Variants in ARHGAP22 observed in about 807,000 individuals in gnomAD.
The protein encoded by ARHGAP22 is Rho GTPase activating protein 22.
In ARHGAP22, 48 loss-of-function variants were observed where a neutral mutation model predicts 59.1. That is an observed-to-expected ratio of 0.81 (90% CI 0.64 to 1.03). The LOEUF (loss-of-function observed/expected upper bound fraction) is 1.03. Ranked by LOEUF, ARHGAP22 falls within the 50% of genes least tolerant of loss-of-function variation. The pLI, the probability that ARHGAP22 is intolerant of heterozygous loss-of-function variation, is 0.00. For synonymous variants in ARHGAP22, 445 were observed against 416.4 expected, an observed-to-expected ratio of 1.07 and a Z score of -0.84; for missense variants, 1,015 against 958.7, an observed-to-expected ratio of 1.06 and a Z score of -0.78.
In ARHGAP22 at chr10:48,555,489, C is replaced by T. The variant is rs2057239212; in HGVS notation, c.296G>A (p.Gly99Glu). The T allele has an allele frequency of 1.2e-6, 2 of 1,614,050 alleles. No individual in the cohort carries two copies. The highest frequency in any genetic ancestry group is 1.7e-6 in the Non-Finnish European group (2 of 1,180,024). ...TGGGCTGATCTCAAAGAGGTGCTTCCCTGGGTCCTCGGGGCCAGGAGGAAG... is the reference window on the plus strand; with the variant it reads ...TGGGCTGATCTCAAAGAGGTGCTTCTCTGGGTCCTCGGGGCCAGGAGGAAG... The part of the protein sequence containing the change: ...TELPPGPEDP[G>E]KHLFEISPGG... The change falls in exon 3 of 10, where the codon GGG (glycine) becomes GAG (glutamate). Residue 99 changes from glycine to glutamate, a missense_variant. Gly to Glu is a moderately conservative substitution (Grantham distance 98). Transcript: ENST00000249601.
At chr10:48,444,362 T>TGACA (rs1440082226), downstream of ARHGAP22, 3 of 152,214 alleles carry the variant, frequency 2.0e-5, no homozygotes, top group Non-Finnish European at 4.4e-5. Flanking sequence ...TCAGTGTGCC[T>TGACA]GACAGTCAAG....
intron 1 of ARHGAP22, among the ~76,000 whole-genome samples, chr10:48,599,659 G>C (rs572990963): frequency 1.1e-4 from 17 of 152,314 alleles, no homozygotes; most frequent in African/African-American, 3.8e-4. Context: ...CCAACACCTG[G>C]CACCACTGGT....
intron 4 of ARHGAP22, among the ~76,000 whole-genome samples, chr10:48,475,855 T>C (rs967271557): frequency 1.3e-5 from 2 of 152,194 alleles, no homozygotes; most frequent in African/African-American, 2.4e-5. Flanking sequence ...AGCTCTACCA[T>C]GATGACAAGG....
At chr10:48,516,024 A>G (rs997860997) in intron 3 of ARHGAP22, among the ~76,000 whole-genome samples, 2 of 150,000 alleles carry the variant, frequency 1.3e-5, no homozygotes, top group Non-Finnish European at 3.0e-5. Flanking sequence ...AAAAAAAAAC[A>G]AAACAAAAAA....
intron 4 of ARHGAP22, among the ~76,000 whole-genome samples, chr10:48,467,180 T>C (rs770126874): frequency 2.0e-5 from 3 of 152,226 alleles, no homozygotes; most frequent in South Asian, 2.1e-4. Flanking sequence ...TGAGGGGTAT[T>C]AGCTTCCCTA....
At chr10:48,552,145 T>G (rs1324358880) in intron 3 of ARHGAP22, among the ~76,000 whole-genome samples, 2 of 152,268 alleles carry the variant, frequency 1.3e-5, no homozygotes, top group African/African-American at 4.8e-5. Context: ...ATTTACGTAG[T>G]TAATTCTAGG....
At chr10:48,654,770 ATTACTTTCTTTCTTTCTTTC>A (rs1486168551), upstream of ARHGAP22, among the ~76,000 whole-genome samples, 1 of 138,306 alleles carries the variant, frequency 7.2e-6, no homozygotes, top group Non-Finnish European at 1.6e-5. Flanking sequence ...GGACATGCTG[ATTACTTTCTTTCTTTCTTTC>A]TTTCTTTCTT....
chr10:48,616,748 T>C lies in ARHGAP22; in HGVS notation c.53-33596A>G, dbSNP rs2061096111. ...ATCTGGCAAAACTATCCTTTAAATG[T>C]AAAACAGCAATCAAGTCATTTCTAG... On this transcript the variant is annotated intron_variant, in intron 1 of 9. Transcript: ENST00000435790. 3.3e-5 allele frequency among the ~76,000 whole-genome samples: 5 copies of C among 152,082 alleles called. No individual in the cohort carries two copies. In the South Asian group the frequency reaches 1.0e-3, roughly 31 times the overall value.
At position 48,583,077 on chromosome 10, in the gene ARHGAP22, G is replaced by A; in HGVS notation, c.110C>T (p.Pro37Leu). 1 of 1,614,270 alleles carries A rather than the reference G, an allele frequency of 6.2e-7. No homozygotes were observed. Among genetic ancestry groups the A allele is most frequent in the Non-Finnish European group, 8.5e-7 (1 of 1,180,052 alleles). ...GRMPCPHRLG[P>L]VLKAGWLKKQ... Reference sequence around the variant, plus strand: ...CTTCAGCCAGCCCGCCTTCAGCACGGGGCCCAGCCTGTGAGGGCACGGCAT... The same window carrying A: ...CTTCAGCCAGCCCGCCTTCAGCACGAGGCCCAGCCTGTGAGGGCACGGCAT... The change falls in exon 2 of 10, where the codon CCC (proline) becomes CTC (leucine). Residue 37 changes from proline to leucine, a missense_variant. Pro to Leu is a moderately conservative substitution (Grantham distance 98). Coordinates refer to ENST00000249601, the MANE Select transcript of ARHGAP22 (RefSeq NM_021226.4).
intron 3 of ARHGAP22, among the ~76,000 whole-genome samples, chr10:48,552,989 A>G (rs995016708): frequency 2.6e-5 from 4 of 152,150 alleles, no homozygotes; most frequent in Non-Finnish European, 5.9e-5. Context: ...TGACATCTTC[A>G]TGGGCTGTGA....
Sources: allele counts gnomAD v4.1 joint callset (sites outside exome capture counted in the v4.1 genomes callset), GRCh38; gene constraint gnomAD v4.1.1; transcripts MANE v1.5; gene names NCBI Gene and HGNC (gene_info 2026-07-23, HGNC 2026-07-21).